The following COPS7B variants were observed in gnomAD, a reference collection of about 807,000 sequenced individuals.
The protein encoded by COPS7B is COP9 signalosome subunit 7B.
In COPS7B, 9 loss-of-function variants were observed where a neutral mutation model predicts 33.4. The ratio of observed to expected loss-of-function variants is 0.27; its 90% confidence interval spans 0.16 to 0.47. COPS7B has a LOEUF of 0.47. COPS7B is among the 20% of genes least tolerant of loss of function. The pLI is 0.99. For missense variants in COPS7B, 242 were observed against 318.2 expected, an observed-to-expected ratio of 0.76 and a Z score of 1.82; for synonymous variants, 119 against 126.3, an observed-to-expected ratio of 0.94 and a Z score of 0.39.
chr2:231,801,956 G>A (rs2049762470), intron 6 of COPS7B, among the ~76,000 whole-genome samples: 1 of 151,970 alleles, frequency 6.6e-6, no homozygotes. Flanking sequence ...TGTATTTTTA[G>A]TAGAGACGGG....
At chr2:231,801,707 A>C (rs974855997) in intron 6 of COPS7B, among the ~76,000 whole-genome samples, 1 of 147,934 alleles carries the variant, frequency 6.8e-6, no homozygotes, top group Admixed American at 6.8e-5. Context: ...ACCTCAAGCT[A>C]TCCTCCCACC....
At chr2:231,786,029 G>A (rs1036909034), upstream of COPS7B, 1 of 152,074 alleles carries the variant, frequency 6.6e-6, no homozygotes, top group African/African-American at 2.4e-5. Flanking sequence ...ACAGTTATGA[G>A]AATTCAACGA....
At chr2:231,782,517 C>A (rs2049155155), upstream of COPS7B, among the ~76,000 whole-genome samples, 1 of 152,232 alleles carries the variant, frequency 6.6e-6, no homozygotes, top group Admixed American at 6.5e-5. Context: ...CCTGTCCCCA[C>A]TTTCACCCAT....
At chr2:231,786,893 A>C (rs2049263964) in intron 1 of COPS7B, among the ~76,000 whole-genome samples, 1 of 152,212 alleles carries the variant, frequency 6.6e-6, no homozygotes, top group South Asian at 2.1e-4. Context: ...CTCCAGAAGA[A>C]AGCGACTGTC....
chr2:231,783,236 T>C (rs2049170667), upstream of COPS7B, among the ~76,000 whole-genome samples: 1 of 152,190 alleles, frequency 6.6e-6, no homozygotes, highest in Non-Finnish European at 1.5e-5. Flanking sequence ...AGCAAAGCCG[T>C]AGTGAGCATT....
intron 6 of COPS7B, chr2:231,801,183 A>G: frequency 6.4e-7 from 1 of 1,550,516 alleles, no homozygotes; most frequent in Non-Finnish European, 8.7e-7. Context: ...CCCCTCCTGA[A>G]TCTTATAACA....
Position 231,794,309 on chromosome 2 carries a change from G to A in COPS7B, c.285G>A (p.Lys95=). Residue 95 remains lysine (K), a synonymous_variant, in exon 4 of 7, where the codon AAG becomes AAA. Transcript: ENST00000350033. ...LPELSTAQQN[K]LKHLTIVSLA... ...AACTGAGCACAGCTCAGCAGAACAA[G>A]CTGAAGCATCTTACCATCGTGAGCT... is the stretch of plus-strand genomic sequence containing the variant. 6.2e-7 allele frequency: 1 copy of A among 1,614,140 alleles called. No homozygotes were observed.
At chr2:231,793,224 G>A (rs1411270165) in intron 3 of COPS7B, among the ~76,000 whole-genome samples, 1 of 152,094 alleles carries the variant, frequency 6.6e-6, no homozygotes. Flanking sequence ...GAATTTTTGG[G>A]ACTTTAAAAA....
chr2:231,801,411 G>A (rs1327928504), intron 6 of COPS7B: 1 of 589,428 alleles, frequency 1.7e-6, no homozygotes. Flanking sequence ...GCATTACAAA[G>A]CACTTTCACA....
intron 6 of COPS7B, among the ~76,000 whole-genome samples, chr2:231,799,349 G>C (rs1459349643): frequency 6.6e-6 from 1 of 152,186 alleles, no homozygotes; most frequent in Non-Finnish European, 1.5e-5. Context: ...GCAGGGGCAT[G>C]TGGGGCTTCA....
upstream of COPS7B, among the ~76,000 whole-genome samples, chr2:231,785,616 T>C (rs180767226): frequency 1.1e-3 from 162 of 152,356 alleles, no homozygotes; most frequent in African/African-American, 3.7e-3. Flanking sequence ...AATAAATGAA[T>C]GAGTTGGTTG....
At position 231,808,378 on chromosome 2, in the gene COPS7B, T is replaced by C. The variant is rs1395762999; in HGVS notation, c.*733T>C. On this transcript the variant is annotated 3_prime_UTR_variant, in exon 7 of 7. Transcript: ENST00000350033. The stretch of plus-strand genomic sequence containing the variant: ...GCTTGGCGTTCTCTCCTGGCCACTC[T>C]TCCTGCTGCCTCTGACTACTCAGCC... 2 of 466,864 alleles carry C rather than the reference T, an allele frequency of 4.3e-6. No homozygotes were observed. Among genetic ancestry groups the C allele is most frequent in the African/African-American group, 4.0e-5 (2 of 49,962 alleles). 28.9% of individuals were successfully genotyped at this position (466,864 alleles called of 1,614,324 possible). A position where few individuals can be genotyped will look rare whatever the true frequency, so the allele number is the denominator to read the frequency against.
intron 6 of COPS7B, among the ~76,000 whole-genome samples, chr2:231,802,496 TCTTA>T (rs1428815489): frequency 1.3e-5 from 2 of 152,232 alleles, no homozygotes; most frequent in African/African-American, 4.8e-5. Context: ...AGCAGTGCAA[TCTTA>T]CTTGAAAATT....
intron 2 of COPS7B, 102 bp downstream of exon 2, chr2:231,788,834 C>A: frequency 9.1e-7 from 1 of 1,102,106 alleles, no homozygotes; most frequent in Non-Finnish European, 1.3e-6. Flanking sequence ...CTGTGAGGTA[C>A]CCTATTGTGA....
intron 6 of COPS7B, among the ~76,000 whole-genome samples, chr2:231,800,268 T>C (rs1026164747): frequency 8.5e-5 from 13 of 152,216 alleles, no homozygotes; most frequent in Admixed American, 2.6e-4. Context: ...ATATTTAACA[T>C]TAGTCCAAAG....
At chr2:231,799,025 T>C (rs2049664615) in intron 6 of COPS7B, 61 bp downstream of exon 6, 3 of 1,472,706 alleles carry the variant, frequency 2.0e-6, no homozygotes, top group East Asian at 2.4e-5. Flanking sequence ...TCGTTTGCAG[T>C]GTTTATGTTT....
At chr2:231,803,724 C>G (rs2049813301) in intron 6 of COPS7B, among the ~76,000 whole-genome samples, 1 of 152,162 alleles carries the variant, frequency 6.6e-6, no homozygotes, top group African/African-American at 2.4e-5. Context: ...AGAAATGAAG[C>G]AGAGGGTCAG....
chr2:231,794,332 G>A lies in COPS7B; in HGVS notation c.308G>A (p.Ser103Asn). 2 of 1,614,058 alleles carry A rather than the reference G, an allele frequency of 1.2e-6. No individual in the cohort carries two copies. Among genetic ancestry groups the A allele is most frequent in the Non-Finnish European group, 1.7e-6 (2 of 1,179,970 alleles). The change falls in exon 4 of 7, where the codon AGC becomes AAC. Residue 103 changes from serine (S) to asparagine (N), a missense_variant. Ser to Asn is a conservative substitution (Grantham distance 46). Coordinates refer to ENST00000350033, the MANE Select transcript of COPS7B (RefSeq NM_022730.4). ...QNKLKHLTIV[S>N]LASRMKCIPY... ...AAGCTGAAGCATCTTACCATCGTGA[G>A]CTTGGCATCAAGAATGAAGGTACGG...
chr2:231,797,475 A>G (rs1396871006), intron 5 of COPS7B, among the ~76,000 whole-genome samples: 9 of 152,258 alleles, frequency 5.9e-5, no homozygotes. Flanking sequence ...CTAGTTTCTG[A>G]ACCTGCCAAA....
Sources: gnomAD v4.1 joint callset for allele counts (sites outside exome capture counted in the v4.1 genomes callset) on GRCh38, gnomAD v4.1.1 for gene constraint, MANE v1.5 for transcripts, NCBI Gene and HGNC (gene_info 2026-07-23, HGNC 2026-07-21) for gene names.